The following UMODL1 variants were observed in gnomAD, a reference collection of about 807,000 sequenced individuals.
UMODL1 encodes the protein uromodulin-like 1.
UMODL1 carries 128 observed loss-of-function variants against 136.3 expected under a neutral mutation model. That is an observed-to-expected ratio of 0.94 (90% CI 0.81 to 1.09). UMODL1 has a LOEUF of 1.09. UMODL1 is among the 50% of genes least tolerant of loss of function. The probability of loss-of-function intolerance (pLI) is 0.00; values close to 1 mark genes in which losing one functional copy is unlikely to be tolerated. For synonymous variants in UMODL1, 721 were observed against 720.0 expected, an observed-to-expected ratio of 1.00 and a Z score of -0.02; for missense variants, 1,766 against 1,725.6, an observed-to-expected ratio of 1.02 and a Z score of -0.41.
chr21:42,128,351 G>A (rs1317373224), intron 20 of UMODL1, among the ~76,000 whole-genome samples: 1 of 152,172 alleles, frequency 6.6e-6, no homozygotes, highest in Non-Finnish European at 1.5e-5. Context: ...TGAAAACTGT[G>A]CTTTATATCA....
chr21:42,092,940 A>C (rs978014028), intron 6 of UMODL1, among the ~76,000 whole-genome samples: 6 of 152,158 alleles, frequency 3.9e-5, no homozygotes, highest in African/African-American at 1.4e-4. Context: ...CTGAAGACGC[A>C]CATGAACCAG....
intron 6 of UMODL1, among the ~76,000 whole-genome samples, chr21:42,096,923 G>A (rs1569152191): frequency 6.6e-6 from 1 of 152,212 alleles, no homozygotes; most frequent in African/African-American, 2.4e-5. Context: ...TGAGACATAT[G>A]TTCCCAAGGA....
At chr21:42,096,403 C>T (rs930773209) in intron 6 of UMODL1, among the ~76,000 whole-genome samples, 62 of 152,114 alleles carry the variant, frequency 4.1e-4, no homozygotes, top group Admixed American at 4.1e-3. Flanking sequence ...GATCCAAAAA[C>T]CCCCTGGCAT....
rs373756054 is a variant in UMODL1 at position 42,119,107 on chromosome 21, G to A, written c.2476-4G>A. 8.6e-5 allele frequency: 139 copies of A among 1,611,280 alleles called. 4 individuals carry two copies. Among genetic ancestry groups the A allele is most frequent in the Middle Eastern group, 8.1e-4 (4 of 4,934 alleles). ...ACCTCCTCACATGGCCTCTTTCCCC[G>A]CAGGTGCGGGGCTCCCTGCCAGCCA... On this transcript the variant is annotated splice_polypyrimidine_tract_variant and splice_region_variant and intron_variant, in intron 14 of 22. Coordinates refer to ENST00000408910, the MANE Select transcript of UMODL1 (RefSeq NM_001004416.3).
At chr21:42,075,003 G>A (rs1161148872) in intron 1 of UMODL1, among the ~76,000 whole-genome samples, 2 of 151,868 alleles carry the variant, frequency 1.3e-5, no homozygotes, top group Admixed American at 6.6e-5. Context: ...CTGGGTTCAC[G>A]CCATTCTGCC....
At chr21:42,136,888 G>C (rs899868234) in intron 21 of UMODL1, among the ~76,000 whole-genome samples, 1 of 152,070 alleles carries the variant, frequency 6.6e-6, no homozygotes, top group Non-Finnish European at 1.5e-5. Flanking sequence ...CTCCCGAGTA[G>C]CTGGGACTAC....
At chr21:42,141,497 C>G (rs943967412) in intron 22 of UMODL1, among the ~76,000 whole-genome samples, 7 of 152,202 alleles carry the variant, frequency 4.6e-5, no homozygotes, top group Non-Finnish European at 1.0e-4. Flanking sequence ...AGCGATGAGG[C>G]CAACACTATC....
At chr21:42,077,481 A>T (rs939608636) in intron 2 of UMODL1, among the ~76,000 whole-genome samples, 3 of 91,576 alleles carry the variant, frequency 3.3e-5, no homozygotes, top group African/African-American at 1.3e-4. Context: ...TTACAGAAAT[A>T]AAGTAGGCAA....
At chr21:42,111,403 C>T (rs747698431) in intron 11 of UMODL1, 103 bp from the exon 12 acceptor site, 3 of 1,613,370 alleles carry the variant, frequency 1.9e-6, no homozygotes, top group Non-Finnish European at 2.5e-6. Flanking sequence ...GCCATAGGAA[C>T]ACTATCGGGG....
At chr21:42,083,936 G>A in intron 2 of UMODL1, 148 bp from the exon 3 acceptor site, 1 of 953,052 alleles carries the variant, frequency 1.0e-6, no homozygotes, top group Non-Finnish European at 1.6e-6. Flanking sequence ...TGGGGTGGGT[G>A]TCTGCCCAGG....
chr21:42,088,222 C>A (rs148231196), intron 4 of UMODL1, 72 bp from the exon 5 acceptor site: 3 of 1,520,034 alleles, frequency 2.0e-6, no homozygotes, highest in Admixed American at 1.8e-5. Flanking sequence ...TTCAGCTCTG[C>A]GGGCCTCAGT....
intron 21 of UMODL1, among the ~76,000 whole-genome samples, chr21:42,130,245 T>TGTGTGTGTGTGTGC (rs377170083): frequency 1.3e-5 from 2 of 151,852 alleles, no homozygotes; most frequent in Admixed American, 6.6e-5. Flanking sequence ...TGTGTGTGTG[T>TGTGTGTGTGTGTGC]GCGTGCACAC....
chr21:42,108,334 G>A (rs1206671999), intron 9 of UMODL1: 2 of 527,398 alleles, frequency 3.8e-6, no homozygotes, highest in Admixed American at 2.0e-5. Flanking sequence ...AGGAAGAGGT[G>A]TGGGTTGGCA....
In UMODL1 at chr21:42,122,630, CACGTGTGTGT is replaced by C. The variant is rs1161268977; in HGVS notation, c.2828-190_2828-181del. On this transcript the variant is annotated intron_variant, in intron 16 of 22. Transcript: ENST00000408910. This position sits in a 1 kb window ranked among gnomAD's most constrained non-coding sequence, Gnocchi z 4.3. Reference sequence around the variant, plus strand: ...ATCTCTGCGTGCATGTGTGTGCATGCACGTGTGTGTACGTGTGTGTGCATATGTGTGCGTG... The same window carrying C: ...ATCTCTGCGTGCATGTGTGTGCATGCACGTGTGTGTGCATATGTGTGCGTG... Among the ~76,000 whole-genome samples, 2 of 150,874 alleles carry C rather than the reference CACGTGTGTGT, an allele frequency of 1.3e-5. No homozygotes were observed. The highest frequency in any genetic ancestry group is 4.9e-5 in the African/African-American group (2 of 40,822).
At chr21:42,073,425 C>T (rs936589511) in intron 1 of UMODL1, among the ~76,000 whole-genome samples, 2 of 152,320 alleles carry the variant, frequency 1.3e-5, no homozygotes, top group Non-Finnish European at 2.9e-5. Flanking sequence ...CAGTAACTAC[C>T]CCACTGGTGA....
intron 1 of UMODL1, among the ~76,000 whole-genome samples, chr21:42,073,004 A>G (rs1021234389): frequency 5.8e-5 from 6 of 103,934 alleles, no homozygotes; most frequent in African/African-American, 1.8e-4. Context: ...TCCACAGGAG[A>G]TGAGTGTGTG....
At chr21:42,093,962 T>A (rs1437732612) in intron 6 of UMODL1, 1 of 456,784 alleles carries the variant, frequency 2.2e-6, no homozygotes. Context: ...TATAGATTCC[T>A]GCTCTGTGGC....
At chr21:42,137,320 G>A (rs55819032) in intron 21 of UMODL1, 119 bp from the exon 22 acceptor site, 233,181 of 1,277,286 alleles carry the variant, frequency 0.18, 22,161 homozygotes, top group South Asian at 0.28. Flanking sequence ...GGGTGCACAC[G>A]TGGGCCTTGC....
rs145387978 is a variant in UMODL1, at chr21:42,093,567, G to A, written c.931+3129G>A. 675 of 222,850 alleles carry A rather than the reference G, an allele frequency of 3.0e-3. 11 individuals are homozygous for A. In the Admixed American group the frequency reaches 0.033, roughly 11 times the overall value. The allele number at this position is 222,850 out of a possible 1,614,324, so 13.8% of individuals were successfully genotyped here. On this transcript the variant is annotated intron_variant, in intron 6 of 22. Transcript: ENST00000408910. ...GTTGTCCTGTGGGCGAGGGGTTGGG[G>A]GAGTGGACCAGTTCCCAGAGCCAGC...
Sources: gnomAD v4.1 joint callset for allele counts (sites outside exome capture counted in the v4.1 genomes callset) on GRCh38, gnomAD v4.1.1 for gene constraint, Gnocchi (gnomAD v3.1) non-coding constraint, MANE v1.5 for transcripts, NCBI Gene and HGNC (gene_info 2026-07-23, HGNC 2026-07-21) for gene names.